SCLY: variants seen among roughly 807,000 people sequenced by gnomAD.
The protein encoded by SCLY is putative selenocysteine lyase.
Under a neutral mutation model 50.1 loss-of-function variants are expected in SCLY, and 38 were observed. The ratio of observed to expected loss-of-function variants is 0.76; its 90% CI spans 0.59 to 0.99. The LOEUF is 0.99. Ranked by LOEUF, SCLY falls within the 50% of genes least tolerant of loss-of-function variation. The pLI, the probability that SCLY is intolerant of heterozygous loss-of-function variation, is 0.00. For synonymous variants in SCLY, 243 were observed against 249.4 expected, an observed-to-expected ratio of 0.97 and a Z score of 0.24; for missense variants, 600 against 620.0, an observed-to-expected ratio of 0.97 and a Z score of 0.34.
chr2:238,070,380 GA>G (rs912992454), intron 4 of SCLY, among the ~76,000 whole-genome samples: 7 of 151,300 alleles, frequency 4.6e-5, no homozygotes, highest in Admixed American at 1.3e-4. Flanking sequence ...AGCCTTTTTT[GA>G]AAAAAAAATT....
intron 7 of SCLY, among the ~76,000 whole-genome samples, chr2:238,088,867 G>A (rs2065329728): frequency 6.6e-6 from 1 of 152,204 alleles, no homozygotes; most frequent in South Asian, 2.1e-4. Context: ...AACAAAGCAG[G>A]GATGTCCACT....
rs2106461077 is a variant in SCLY, at chr2:238,099,162, T to A, written c.*807T>A. On this transcript the variant is annotated 3_prime_UTR_variant, in exon 12 of 12. Transcript: ENST00000254663. The stretch of plus-strand genomic sequence containing the variant: ...TCCAACCTCGCTGAGTTGGTGCAGC[T>A]CCAGGTCATTCCTGGGGTGGGAATC... 2.2e-6 allele frequency: 1 copy of A among 450,812 alleles called. No individual in the cohort carries two copies. Among genetic ancestry groups the A allele is most frequent in the Non-Finnish European group, 4.6e-6 (1 of 216,720 alleles). 27.9% of individuals were successfully genotyped at this position (450,812 alleles called of 1,614,324 possible).
chr2:238,097,926 C>T (rs2065456901), intron 11 of SCLY, among the ~76,000 whole-genome samples: 1 of 152,150 alleles, frequency 6.6e-6, no homozygotes, highest in Admixed American at 6.5e-5. Flanking sequence ...GCCCCTGGCC[C>T]CAGAGCTCAG....
chr2:238,070,159 T>C (rs2065114163), intron 4 of SCLY, among the ~76,000 whole-genome samples: 1 of 152,106 alleles, frequency 6.6e-6, no homozygotes, highest in Non-Finnish European at 1.5e-5. Context: ...TCATAGGAAG[T>C]CCCAAAAGGG....
intron 4 of SCLY, among the ~76,000 whole-genome samples, chr2:238,074,840 G>A (rs1372476936): frequency 6.6e-6 from 1 of 151,974 alleles, no homozygotes; most frequent in African/African-American, 2.4e-5. Context: ...CTATATAGAG[G>A]GTCATATCAT....
intron 5 of SCLY, 31 bp downstream of exon 5, chr2:238,081,867 A>C: frequency 4.4e-6 from 7 of 1,606,894 alleles, no homozygotes; most frequent in Non-Finnish European, 6.0e-6. Flanking sequence ...CTTTAAGGAG[A>C]GCTCATGGGG....
chr2:238,068,104 GC>G lies in SCLY; in HGVS notation c.244del (p.Leu82SerfsTer4). The G allele has an allele frequency of 6.2e-7, 1 of 1,612,462 alleles. No individual in the cohort carries two copies. On this transcript the variant is annotated frameshift_variant, in exon 3 of 12. Transcript: ENST00000254663. LOFTEE classifies it high-confidence loss of function. ...AKDIINAARE[S>X]LAKMIGGKPQ... The stretch of plus-strand genomic sequence containing the variant: ...GATATTATAAATGCAGCTCGGGAAA[GC>G]CTCGCGAAGATGATAGGGGGGAAAC...
chr2:238,089,675 C>T (rs56379553), intron 7 of SCLY, among the ~76,000 whole-genome samples: 10,016 of 144,772 alleles, frequency 0.069, 340 homozygotes, highest in Middle Eastern at 0.1. Context: ...AGCTCATCAG[C>T]TATCATTAGT....
chr2:238,074,356 A>G (rs1381538224), intron 4 of SCLY, among the ~76,000 whole-genome samples: 3 of 151,978 alleles, frequency 2.0e-5, no homozygotes, highest in African/African-American at 7.2e-5. Flanking sequence ...CAAATTTTCG[A>G]CTACCTGAGG....
chr2:238,072,031 A>G (rs925914506), intron 4 of SCLY, among the ~76,000 whole-genome samples: 1 of 151,922 alleles, frequency 6.6e-6, no homozygotes, highest in Non-Finnish European at 1.5e-5. Flanking sequence ...CCCAAAAGAA[A>G]CCTTGTACCA....
At chr2:238,062,317 G>C (rs1399785540) in intron 1 of SCLY, among the ~76,000 whole-genome samples, 1 of 152,184 alleles carries the variant, frequency 6.6e-6, no homozygotes, top group African/African-American at 2.4e-5. Flanking sequence ...GTCAAGCCGG[G>C]CTGGGGGATT....
intron 7 of SCLY, among the ~76,000 whole-genome samples, chr2:238,090,318 G>A (rs772754197): frequency 1.2e-4 from 19 of 152,190 alleles, no homozygotes; most frequent in Non-Finnish European, 2.5e-4. Context: ...AGCAATAGCC[G>A]AGTCCAGAGG....
Position 238,098,255 on chromosome 2 carries a change from C to T in SCLY, c.1238C>T (p.Ala413Val), listed in dbSNP as rs745767982. 19 of 1,610,736 alleles carry T rather than the reference C, an allele frequency of 1.2e-5. No individual in the cohort carries two copies. Among genetic ancestry groups the T allele is most frequent in the Admixed American group, 3.3e-5 (2 of 59,964 alleles). Residue 413 changes from alanine to valine, a missense_variant, in exon 12 of 12, where the codon GCG (alanine) becomes GTG (valine). By Grantham distance (64) the Ala-to-Val change is moderately conservative. Transcript: ENST00000254663. ...YGVPFDVARN[A>V]LRLSVGRSTT... ...GTCCCCTTCGACGTGGCCAGGAACG[C>T]GCTCCGGCTCAGCGTGGGCCGCAGC... is the stretch of plus-strand genomic sequence containing the variant.
intron 4 of SCLY, among the ~76,000 whole-genome samples, chr2:238,075,560 A>G (rs1412826835): frequency 6.6e-6 from 1 of 152,002 alleles, no homozygotes; most frequent in South Asian, 2.1e-4. Flanking sequence ...TTTACTTTTT[A>G]TAGGTTTGTT....
Position 238,094,202 on chromosome 2 carries a change from C to T in SCLY, c.1006-218C>T, listed in dbSNP as rs540055693. 1.5e-4 allele frequency: 94 copies of T among 612,268 alleles called. 1 individual carries two copies. Among genetic ancestry groups the T allele is most frequent in the South Asian group, 1.2e-3 (60 of 49,872 alleles). 37.9% of individuals were successfully genotyped at this position (612,268 alleles called of 1,614,324 possible). On this transcript the variant is annotated intron_variant, in intron 9 of 11. Transcript: ENST00000254663. ...TCAAATATGCAGAGGTGGTATACCT[C>T]ATGGTTTATGTGGAAGGTTCATATG...
At chr2:238,068,662 T>C (rs1197831732) in intron 3 of SCLY, among the ~76,000 whole-genome samples, 13 of 152,260 alleles carry the variant, frequency 8.5e-5, no homozygotes, top group Non-Finnish European at 2.9e-5. Flanking sequence ...TAATGTAATA[T>C]GTAAAGTAAC....
rs1424200162 is a variant in SCLY at position 238,069,734 on chromosome 2, A to G, written c.484+257A>G. On this transcript the variant is annotated intron_variant, in intron 4 of 11. Transcript: ENST00000254663. This position sits in a 1 kb window ranked among gnomAD's most constrained non-coding sequence, Gnocchi z 5.0. The stretch of plus-strand genomic sequence containing the variant: ...CAAGGGGGTTGGCAAGTGTGGCCAA[A>G]CTTTCCCTTAGGAAGTTCATTGAGA... The G allele has an allele frequency of 2.5e-6, 1 of 405,196 alleles. No homozygotes were observed. The highest frequency in any genetic ancestry group is 4.4e-6 in the Non-Finnish European group (1 of 229,002). The allele number at this position is 405,196 out of a possible 1,614,324, so 25.1% of individuals were successfully genotyped here. A position where few individuals can be genotyped will look rare whatever the true frequency, so the allele number is the denominator to read the frequency against.
In SCLY at chr2:238,069,285, G is replaced by C. The variant is rs574473455; in HGVS notation, c.304-12G>C. 1.9e-6 allele frequency: 3 copies of C among 1,609,706 alleles called. No individual in the cohort carries two copies. The highest frequency in any genetic ancestry group is 2.5e-6 in the Non-Finnish European group (3 of 1,178,458). On this transcript the variant is annotated splice_polypyrimidine_tract_variant and intron_variant, in intron 3 of 11. Coordinates refer to ENST00000254663, the MANE Select transcript of SCLY (RefSeq NM_016510.7). This position sits in a 1 kb window ranked among gnomAD's most constrained non-coding sequence, Gnocchi z 5.0. Reference sequence around the variant, plus strand: ...AGTTTTTGTAAATGCTTTTTTTGCTGTATCTCTGCAGTCAAATAATTTAGT... The same window carrying C: ...AGTTTTTGTAAATGCTTTTTTTGCTCTATCTCTGCAGTCAAATAATTTAGT...
chr2:238,085,773 C>T (rs894676188), intron 7 of SCLY, among the ~76,000 whole-genome samples: 9 of 151,886 alleles, frequency 5.9e-5, no homozygotes, highest in East Asian at 1.9e-4. Flanking sequence ...ACCTATGAGA[C>T]GATAACAAAT....
Sources: allele counts gnomAD v4.1 joint callset (sites outside exome capture counted in the v4.1 genomes callset), GRCh38; gene constraint gnomAD v4.1.1; non-coding constraint Gnocchi (gnomAD v3.1); transcripts MANE v1.5; gene names NCBI Gene and HGNC (gene_info 2026-07-23, HGNC 2026-07-21).